ARMC8: variants seen among roughly 807,000 people sequenced by gnomAD.
The protein encoded by ARMC8 is armadillo repeat containing 8, also known as armadillo repeat-containing protein 8.
ARMC8 carries 20 observed loss-of-function variants against 99.3 expected under a neutral mutation model. That is an observed-to-expected ratio of 0.20 (90% CI 0.14 to 0.29). The LOEUF (loss-of-function observed/expected upper bound fraction) is 0.29, where lower values mean the gene tolerates loss of function less well. ARMC8 is among the 10% of genes least tolerant of loss of function. The pLI, the probability that ARMC8 is intolerant of heterozygous loss-of-function variation, is 1.00. For missense variants in ARMC8, 569 were observed against 809.5 expected, an observed-to-expected ratio of 0.70 and a Z score of 3.60; for synonymous variants, 263 against 278.3, an observed-to-expected ratio of 0.95 and a Z score of 0.55.
chr3:138,198,849 G>A (rs1032929093), intron 1 of ARMC8, among the ~76,000 whole-genome samples: 74 of 151,900 alleles, frequency 4.9e-4, no homozygotes, highest in African/African-American at 1.7e-3. Context: ...TTTCAAATTT[G>A]ATAAGCACTG....
intron 17 of ARMC8, among the ~76,000 whole-genome samples, chr3:138,273,859 C>T (rs2049011886): frequency 1.3e-5 from 2 of 151,914 alleles, no homozygotes; most frequent in Non-Finnish European, 2.9e-5. Flanking sequence ...CTCTTTCCCC[C>T]AGGCTGGAGT....
intron 11 of ARMC8, 52 bp downstream of exon 11, chr3:138,242,035 T>C: frequency 6.7e-7 from 1 of 1,503,682 alleles, no homozygotes; most frequent in Non-Finnish European, 9.2e-7. Flanking sequence ...CTAAAGTTTT[T>C]CTTACTGTTC....
intron 18 of ARMC8, among the ~76,000 whole-genome samples, chr3:138,278,183 T>C (rs532673118): frequency 6.6e-6 from 1 of 152,266 alleles, no homozygotes; most frequent in South Asian, 2.1e-4. Flanking sequence ...CTGTAAATGC[T>C]GACTGTACTG....
intron 9 of ARMC8, chr3:138,239,122 C>T: frequency 1.1e-5 from 2 of 186,602 alleles, no homozygotes; most frequent in South Asian, 1.1e-4. Context: ...AACATTTTTC[C>T]CTTTTTATTA....
At chr3:138,273,874 T>C (rs2049013762) in intron 17 of ARMC8, among the ~76,000 whole-genome samples, 1 of 151,794 alleles carries the variant, frequency 6.6e-6, no homozygotes, top group East Asian at 1.9e-4. Flanking sequence ...TGGAGTGCAG[T>C]GGCACAGTCT....
At chr3:138,263,689 G>A (rs1304060165) in intron 12 of ARMC8, 50 bp from the exon 13 acceptor site, 2 of 1,472,576 alleles carry the variant, frequency 1.4e-6, no homozygotes, top group Non-Finnish European at 1.9e-6. Flanking sequence ...AAGCAGTGAA[G>A]TTTGTCACCT....
At chr3:138,205,519 A>G (rs750443566) in intron 1 of ARMC8, among the ~76,000 whole-genome samples, 9 of 152,202 alleles carry the variant, frequency 5.9e-5, no homozygotes, top group Admixed American at 6.5e-5. Flanking sequence ...ACCATCATCT[A>G]TGAAATAATA....
intron 14 of ARMC8, among the ~76,000 whole-genome samples, chr3:138,266,248 T>C (rs1233646875): frequency 3.3e-5 from 5 of 152,094 alleles, no homozygotes; most frequent in Admixed American, 6.6e-5. Flanking sequence ...TGAACCTCAT[T>C]AAGAGCCCCA....
chr3:138,200,363 GT>G (rs567143990), intron 1 of ARMC8, among the ~76,000 whole-genome samples: 163 of 149,292 alleles, frequency 1.1e-3, no homozygotes, highest in African/African-American at 3.8e-3. Context: ...TTTTGGTAAA[GT>G]TCCTACCAGG....
intron 16 of ARMC8, 141 bp downstream of exon 16, chr3:138,270,273 T>A: frequency 1.5e-6 from 1 of 649,624 alleles, no homozygotes; most frequent in Non-Finnish European, 2.6e-6. Flanking sequence ...TTCTAATGAC[T>A]AGGACCTAGA....
intron 1 of ARMC8, among the ~76,000 whole-genome samples, chr3:138,197,881 T>G (rs775884487): frequency 2.0e-5 from 3 of 152,268 alleles, no homozygotes; most frequent in Non-Finnish European, 4.4e-5. Flanking sequence ...GCCAGATAGC[T>G]CTTTATGATT....
At chr3:138,227,816 C>T (rs557450217) in intron 5 of ARMC8, among the ~76,000 whole-genome samples, 3 of 152,184 alleles carry the variant, frequency 2.0e-5, no homozygotes, top group Non-Finnish European at 4.4e-5. Flanking sequence ...AGAGTCTGTA[C>T]ATTAAGTACA....
chr3:138,245,398 C>A, intron 12 of ARMC8: 2 of 1,387,188 alleles, frequency 1.4e-6, no homozygotes, highest in Non-Finnish European at 1.9e-6. Context: ...GCTGGAATGA[C>A]AAATAACTGG....
At chr3:138,236,293 C>T (rs1343897077) in intron 7 of ARMC8, among the ~76,000 whole-genome samples, 1 of 152,176 alleles carries the variant, frequency 6.6e-6, no homozygotes, top group Non-Finnish European at 1.5e-5. Flanking sequence ...CTTTCCTGTG[C>T]CATGCAAAGG....
At chr3:138,269,128 G>A (rs2108289965) in intron 15 of ARMC8, among the ~76,000 whole-genome samples, 1 of 152,240 alleles carries the variant, frequency 6.6e-6, no homozygotes, top group African/African-American at 2.4e-5. Context: ...GGCGGATCTG[G>A]GAAAAGAATA....
intron 12 of ARMC8, among the ~76,000 whole-genome samples, chr3:138,262,896 G>A (rs1321411800): frequency 1.3e-5 from 2 of 152,214 alleles, no homozygotes; most frequent in Non-Finnish European, 2.9e-5. Context: ...GCCTGGGTAC[G>A]TATCTCAGCT....
At chr3:138,190,710 G>T (rs2043335546) in intron 1 of ARMC8, among the ~76,000 whole-genome samples, 1 of 152,116 alleles carries the variant, frequency 6.6e-6, no homozygotes, top group Admixed American at 6.6e-5. Flanking sequence ...TTGTACATAT[G>T]AATTTTAACT....
intron 18 of ARMC8, among the ~76,000 whole-genome samples, chr3:138,274,975 T>C (rs1374164194): frequency 1.3e-5 from 2 of 152,208 alleles, no homozygotes; most frequent in African/African-American, 2.4e-5. Context: ...TCATTTCTTT[T>C]CTCTTAGGCA....
In ARMC8 at chr3:138,245,629, A is replaced by AT. The variant is rs550234951; in HGVS notation, c.1134+454dup. ...ATATGTGGCTTAGTTTTATGTTTTGATTTTTTTTGCTACTGTGCAAGTTTA... is the reference window on the plus strand; with the variant it reads ...ATATGTGGCTTAGTTTTATGTTTTGATTTTTTTTTGCTACTGTGCAAGTTTA... On this transcript the variant is annotated intron_variant, in intron 12 of 21. Transcript: ENST00000469044. The AT allele has an allele frequency of 1.0e-3, 1,018 of 995,400 alleles. 20 individuals carry two copies. The South Asian group carries it at 0.029, about 28-fold the overall frequency. The allele number at this position is 995,400 out of a possible 1,614,324, so 61.7% of individuals were successfully genotyped here. A position where few individuals can be genotyped will look rare whatever the true frequency, so the allele number is the denominator to read the frequency against.
Sources: gnomAD v4.1 joint callset for allele counts (sites outside exome capture counted in the v4.1 genomes callset) on GRCh38, gnomAD v4.1.1 for gene constraint, MANE v1.5 for transcripts, NCBI Gene and HGNC (gene_info 2026-07-23, HGNC 2026-07-21) for gene names.